Variants in SYNE1 observed in about 807,000 individuals in gnomAD.
SYNE1 encodes the protein spectrin repeat containing nuclear envelope protein 1, also known as nesprin-1.
In SYNE1, 616 loss-of-function variants were observed where a neutral mutation model predicts 1,111.0. The ratio of observed to expected loss-of-function variants is 0.55; its 90% CI spans 0.52 to 0.59. The LOEUF is 0.59. Among genes scored for constraint, SYNE1 ranks in the 20% least tolerant of loss-of-function variants. SYNE1 has a pLI of 0.00. For missense variants in SYNE1, 10,006 were observed against 10,417.0 expected (o/e 0.96, Z 1.72); for synonymous variants, 3,855 against 3,825.8 (o/e 1.01, Z -0.28).
intron 97 of SYNE1, among the ~76,000 whole-genome samples, chr6:152,280,632 C>T (rs1349047134): frequency 6.6e-6 from 1 of 151,776 alleles, no homozygotes; most frequent in Admixed American, 6.6e-5. Flanking sequence ...TTATGTGTTA[C>T]AATAAAAACA....
intron 117 of SYNE1, among the ~76,000 whole-genome samples, chr6:152,221,991 G>C (rs1373571255): frequency 2.6e-5 from 4 of 152,112 alleles, no homozygotes; most frequent in African/African-American, 9.7e-5. Context: ...GTCCTGACTT[G>C]CCCAGACATG....
At chr6:152,533,220 T>C (rs912263157) in intron 4 of SYNE1, among the ~76,000 whole-genome samples, 4 of 151,956 alleles carry the variant, frequency 2.6e-5, no homozygotes, top group African/African-American at 9.7e-5. Context: ...CCACTTCTGC[T>C]TGGCAAAGGT....
Position 152,135,340 on chromosome 6 carries a change from A to G in SYNE1, c.25660-108T>C, listed in dbSNP as rs3818109. ...AGCAAACATACTTGGTTTTAAGAACATACATGCAACTCCTTTCTGAGGAAG... is the reference window on the plus strand; with the variant it reads ...AGCAAACATACTTGGTTTTAAGAACGTACATGCAACTCCTTTCTGAGGAAG... On this transcript the variant is annotated intron_variant, in intron 141 of 145. Transcript: ENST00000367255. The G allele has an allele frequency of 0.41, 522,948 of 1,268,664 alleles. 110,709 individuals carry two copies. Among genetic ancestry groups the G allele is most frequent in the African/African-American group, 0.65 (43,603 of 67,486 alleles). 78.6% of individuals were successfully genotyped at this position (1,268,664 alleles called of 1,614,324 possible). A position where few individuals can be genotyped will look rare whatever the true frequency, so the allele number is the denominator to read the frequency against.
chr6:152,613,922 T>C (rs1382599117), intron 3 of SYNE1, among the ~76,000 whole-genome samples: 1 of 152,220 alleles, frequency 6.6e-6, no homozygotes, highest in Non-Finnish European at 1.5e-5. Flanking sequence ...CTGGGAAAAC[T>C]GGCTAGCCAT....
At chr6:152,465,516 CT>C in intron 17 of SYNE1, 56 bp from the exon 18 acceptor site, 21 of 1,512,334 alleles carry the variant, frequency 1.4e-5, no homozygotes, top group South Asian at 2.3e-5. Context: ...TCCTCTACAC[CT>C]TTTTTTCTAT....
chr6:152,363,813 A>C (rs1382816735), intron 63 of SYNE1: 2 of 453,046 alleles, frequency 4.4e-6, no homozygotes, highest in Non-Finnish European at 8.9e-6. Flanking sequence ...AATTCATATG[A>C]GTTTGTCTCT....
chr6:152,637,084 A>C, intron 1 of SYNE1, 105 bp downstream of exon 1: 2 of 150,570 alleles, frequency 1.3e-5, no homozygotes, highest in African/African-American at 2.5e-5. Flanking sequence ...GGCCCGCCAC[A>C]CCCCCTCCCC....
intron 3 of SYNE1, among the ~76,000 whole-genome samples, chr6:152,605,589 T>C (rs1329778861): frequency 6.6e-6 from 1 of 152,192 alleles, no homozygotes; most frequent in Non-Finnish European, 1.5e-5. Context: ...CATTAGAGCA[T>C]TTCAGTCTGG....
At chr6:152,249,086 G>T in intron 105 of SYNE1, 75 bp downstream of exon 105, 6 of 1,041,768 alleles carry the variant, frequency 5.8e-6, no homozygotes, top group Non-Finnish European at 9.0e-6. Flanking sequence ...ATCTTTCATA[G>T]AATATTCAAA....
At chr6:152,368,435 C>T (rs1428667763) in intron 61 of SYNE1, 1 of 155,072 alleles carries the variant, frequency 6.4e-6, no homozygotes, top group Non-Finnish European at 1.4e-5. Context: ...TTGAGCTCTG[C>T]TCTAGAATCT....
intron 78 of SYNE1, among the ~76,000 whole-genome samples, chr6:152,328,380 T>TTTTTTTTATTTATTTA (rs1554460766): frequency 1.5e-5 from 2 of 137,512 alleles, no homozygotes; most frequent in African/African-American, 5.8e-5. Flanking sequence ...TCTTATTTTA[T>TTTTTTTTATTTATTTA]TTTATTTATT....
chr6:152,617,179 A>G (rs1013878801), intron 3 of SYNE1, among the ~76,000 whole-genome samples: 2 of 152,180 alleles, frequency 1.3e-5, no homozygotes, highest in African/African-American at 4.8e-5. Context: ...ATGAACTATA[A>G]GTTCCTTCCC....
chr6:152,217,506 A>G (rs2079039172), intron 121 of SYNE1, among the ~76,000 whole-genome samples: 1 of 152,176 alleles, frequency 6.6e-6, no homozygotes, highest in Non-Finnish European at 1.5e-5. Context: ...GAATGATTAA[A>G]TCAAGCTAAT....
Position 152,331,342 on chromosome 6 carries a change from A to C in SYNE1, c.13343T>G (p.Leu4448Ter). ...GGTTTTCTCGGACAAGGCTTTGTTT[A>C]AGTACTTTCTTCGCTGGCCCACTAA... ...SDLVGQRRKYLNKALSEKTQF... is the reference protein window; with the variant it reads ...SDLVGQRRKY The change falls in exon 78 of 146, where the codon TTA becomes TGA. Residue 4448 changes from leucine to a stop codon, truncating the protein, a stop_gained. Coordinates refer to ENST00000367255, the MANE Select transcript of SYNE1 (RefSeq NM_182961.4). LOFTEE classifies it high-confidence loss of function. 6.2e-7 allele frequency: 1 copy of C among 1,614,198 alleles called. No individual in the cohort carries two copies. The highest frequency in any genetic ancestry group is 1.1e-5 in the South Asian group (1 of 91,076).
chr6:152,363,117 G>C (rs1244777881), intron 63 of SYNE1, among the ~76,000 whole-genome samples: 2 of 150,818 alleles, frequency 1.3e-5, no homozygotes, highest in Non-Finnish European at 3.0e-5. Context: ...TCCTGACCTT[G>C]TGATCTGCCT....
intron 107 of SYNE1, 53 bp from the exon 108 acceptor site, chr6:152,239,759 G>C: frequency 6.2e-7 from 1 of 1,608,744 alleles, no homozygotes; most frequent in African/African-American, 1.3e-5. Context: ...TATTATGTTA[G>C]AATCAAAATT....
In SYNE1 at chr6:152,179,077, C is replaced by T. The variant is rs186356489; in HGVS notation, c.23460+1059G>A. Reference sequence around the variant, plus strand: ...TACAGGCATGTGCCACCATGCCTGGCTAATATTTTGTATTTTTAGTAGAGA... The same window carrying T: ...TACAGGCATGTGCCACCATGCCTGGTTAATATTTTGTATTTTTAGTAGAGA... On this transcript the variant is annotated intron_variant, in intron 129 of 145. Transcript: ENST00000367255. Among the ~76,000 whole-genome samples, 5 of 152,080 alleles carry T rather than the reference C, an allele frequency of 3.3e-5. No individual in the cohort carries two copies. In the East Asian group the frequency reaches 9.7e-4, roughly 29 times the overall value.
In SYNE1 at chr6:152,461,681, T is replaced by G; in HGVS notation, c.2310A>C (p.Ala770=). 6.2e-7 allele frequency: 1 copy of G among 1,614,028 alleles called. No individual in the cohort carries two copies. The highest frequency in any genetic ancestry group is 8.5e-7 in the Non-Finnish European group (1 of 1,179,950). Residue 770 remains alanine, a synonymous_variant, in exon 21 of 146, where the codon GCA becomes GCC. Transcript: ENST00000367255. ...GGGGGCTTTCTTTGGTAATGAGGTG[T>G]GCTGTCTTTGTAATTATCTTGTATT... ...DAQYKIITKT[A]HLITKESPQE... is the part of the protein sequence containing the mutation.
At chr6:152,617,883 T>A (rs1317730789) in intron 3 of SYNE1, among the ~76,000 whole-genome samples, 1 of 152,188 alleles carries the variant, frequency 6.6e-6, no homozygotes, top group Non-Finnish European at 1.5e-5. Context: ...GAAATGAGAC[T>A]GAGATTGGCT....
Sources: allele counts gnomAD v4.1 joint callset (sites outside exome capture counted in the v4.1 genomes callset), GRCh38; gene constraint gnomAD v4.1.1; transcripts MANE v1.5; gene names NCBI Gene and HGNC (gene_info 2026-07-23, HGNC 2026-07-21).